The following PLCD3 variants were observed in gnomAD, a reference collection of about 807,000 sequenced individuals.
PLCD3 encodes phospholipase C delta 3.
A neutral mutation model predicts 82.8 loss-of-function variants in PLCD3; 62 were observed. That is an observed-to-expected ratio of 0.75 (90% CI 0.61 to 0.93). The LOEUF (loss-of-function observed/expected upper bound fraction) is 0.93, where lower values mean the gene tolerates loss of function less well. Ranked by LOEUF, PLCD3 falls within the 40% of genes least tolerant of loss-of-function variation. PLCD3 has a pLI of 0.00. For synonymous variants in PLCD3, 478 were observed against 471.8 expected, an observed-to-expected ratio of 1.01 and a Z score of -0.17; for missense variants, 1,023 against 1,103.4, an observed-to-expected ratio of 0.93 and a Z score of 1.03.
intron 1 of PLCD3, among the ~76,000 whole-genome samples, chr17:45,127,785 TGTGA>T (rs2054392014): frequency 1.5e-5 from 2 of 134,956 alleles, no homozygotes; most frequent in Non-Finnish European, 1.6e-5. Flanking sequence ...TGTGTATGAG[TGTGA>T]GTGAATGTGT....
intron 1 of PLCD3, chr17:45,129,212 G>T (rs1043196007): frequency 2.6e-5 from 4 of 152,260 alleles, no homozygotes; most frequent in Admixed American, 2.0e-4. Context: ...CCAGCACTTT[G>T]GGAATCCAAG....
chr17:45,124,606 G>T (rs954309712), intron 1 of PLCD3, among the ~76,000 whole-genome samples: 1 of 152,260 alleles, frequency 6.6e-6, no homozygotes, highest in African/African-American at 2.4e-5. Flanking sequence ...AGGTCAGAGG[G>T]AGGGCTCAGG....
chr17:45,125,437 AAAAATAG>A (rs1377360963), intron 1 of PLCD3, among the ~76,000 whole-genome samples: 4 of 152,188 alleles, frequency 2.6e-5, no homozygotes, highest in Non-Finnish European at 5.9e-5. Flanking sequence ...CGTCTCTACT[AAAAATAG>A]AAAACAGCCG....
rs778755408 is a variant in PLCD3 at position 45,121,330 on chromosome 17, G to C, written c.206C>G (p.Ser69Cys). The stretch of plus-strand genomic sequence containing the variant: ...GCGCGAGCGGATCTTGCGGAGCCGG[G>C]AGCCCCGCAGCATGGCGCGCACGTC... Reference protein sequence around the residue: ...DEDVRAMLRGSRLRKIRSRTW... With the variant: ...DEDVRAMLRGCRLRKIRSRTW... Residue 69 changes from serine to cysteine, a missense_variant, in exon 2 of 15, where the codon TCC becomes TGC. By Grantham distance (112) the Ser-to-Cys change is moderately radical (BLOSUM62 -1). This residue lies in a region of PLCD3 where 448 missense variants were observed against 406.3 expected (regional missense o/e 1.10). Transcript: ENST00000619929. 2 of 1,555,178 alleles carry C rather than the reference G, an allele frequency of 1.3e-6. No homozygotes were observed. Among genetic ancestry groups the C allele is most frequent in the South Asian group, 1.2e-5 (1 of 85,406 alleles).
At position 45,110,600 on chromosome 17, in the gene PLCD3, A is replaced by C. The variant is rs997781665; in HGVS notation, c.*2016T>G. 1.3e-5 allele frequency: 2 copies of C among 152,224 alleles called. No individual in the cohort carries two copies. Among genetic ancestry groups the C allele is most frequent in the Non-Finnish European group, 2.9e-5 (2 of 68,066 alleles). The allele number at this position is 152,224 out of a possible 1,614,324, so 9.4% of individuals were successfully genotyped here. A position where few individuals can be genotyped will look rare whatever the true frequency, so the allele number is the denominator to read the frequency against. On this transcript the variant is annotated 3_prime_UTR_variant, in exon 15 of 15. Coordinates refer to ENST00000619929, the MANE Select transcript of PLCD3 (RefSeq NM_133373.5). ...CCTGGGTCTGGTGCTCACCTGACCCAGACCCCCCAGCCAGCCCCTGGCCAG... is the reference window on the plus strand; with the variant it reads ...CCTGGGTCTGGTGCTCACCTGACCCCGACCCCCCAGCCAGCCCCTGGCCAG...
chr17:45,117,119 A>T (rs2054297863), intron 7 of PLCD3, among the ~76,000 whole-genome samples: 1 of 151,906 alleles, frequency 6.6e-6, no homozygotes, highest in Non-Finnish European at 1.5e-5. Context: ...TAATTTTTGT[A>T]TTTTTAATAG....
intron 1 of PLCD3, among the ~76,000 whole-genome samples, chr17:45,129,719 G>A (rs959909571): frequency 1.3e-5 from 2 of 152,184 alleles, no homozygotes; most frequent in Non-Finnish European, 2.9e-5. Context: ...GGGCTCTAGC[G>A]CTCCTCTCTC....
At position 45,118,209 on chromosome 17, in the gene PLCD3, T is replaced by TGGGCCAGGAAGGCC; in HGVS notation, c.1115+68_1116-72dup. ...CCACAGAGCAGGGCAGCAGGCAGGC[T>TGGGCCAGGAAGGCC]GGGCCAGGAAGGCCCCAGGAAGCCA... On this transcript the variant is annotated intron_variant, in intron 6 of 14. Transcript: ENST00000619929. The surrounding 1 kb of genome is among the most constrained non-coding windows in gnomAD (Gnocchi z 4.1). 5 of 1,611,468 alleles carry TGGGCCAGGAAGGCC rather than the reference T, an allele frequency of 3.1e-6. No individual in the cohort carries two copies. The South Asian group carries it at 5.5e-5, about 18-fold the overall frequency.
rs1362550976 is a variant in PLCD3, at chr17:45,112,651, T to C, written c.2335A>G (p.Thr779Ala). 6.2e-7 allele frequency: 1 copy of C among 1,607,250 alleles called. No individual in the cohort carries two copies. Among genetic ancestry groups the C allele is most frequent in the Admixed American group, 1.7e-5 (1 of 59,132 alleles). The change falls in exon 15 of 15, where the codon ACG becomes GCG. Residue 779 changes from threonine (T) to alanine (A), a missense_variant. Transcript: ENST00000619929. ...SKDGASLSPA[T>A]LFIQIRIQRS ...TGGATGCGGATTTGGATGAAGAGCGTGGCTGGTGACAGTGAGGCCCCGTCC... is the reference window on the plus strand; with the variant it reads ...TGGATGCGGATTTGGATGAAGAGCGCGGCTGGTGACAGTGAGGCCCCGTCC...
chr17:45,129,127 G>C (rs1281762356), intron 1 of PLCD3: 1 of 152,260 alleles, frequency 6.6e-6, no homozygotes, highest in African/African-American at 2.4e-5. Context: ...TATGCGAAAA[G>C]CGCCTGGGAC....
At chr17:45,115,951 G>A (rs1302103773) in intron 8 of PLCD3, among the ~76,000 whole-genome samples, 1 of 152,244 alleles carries the variant, frequency 6.6e-6, no homozygotes, top group Admixed American at 6.5e-5. Flanking sequence ...CAGGTCAGTG[G>A]AGGGAGGGGA....
rs756522339 is a variant in PLCD3, at chr17:45,120,389, A to G, written c.620T>C (p.Ile207Thr). The change falls in exon 4 of 15, where the codon ATC becomes ACC. Residue 207 changes from isoleucine (I) to threonine (T), a missense_variant. By Grantham distance (89) the Ile-to-Thr change is moderately conservative (BLOSUM62 -1). Transcript: ENST00000619929. ...GTTGACCATTCTCAGCAGGCTCTTG[A>G]TCTCCTTGAAGCTCATCTTGCTGTC... Reference protein sequence around the residue: ...NQDSKMSFKEIKSLLRMVNVD... With the variant: ...NQDSKMSFKETKSLLRMVNVD... 1 of 1,613,966 alleles carries G rather than the reference A, an allele frequency of 6.2e-7. No individual in the cohort carries two copies. The highest frequency in any genetic ancestry group is 2.2e-5 in the East Asian group (1 of 44,870).
At chr17:45,123,962 C>A (rs1013039553) in intron 1 of PLCD3, among the ~76,000 whole-genome samples, 1 of 140,668 alleles carries the variant, frequency 7.1e-6, no homozygotes, top group East Asian at 2.0e-4. Flanking sequence ...CCAGACCCCC[C>A]CCCCAACCAG....
chr17:45,114,182 C>G, intron 11 of PLCD3, 68 bp downstream of exon 11: 1 of 1,187,038 alleles, frequency 8.4e-7, no homozygotes, highest in South Asian at 1.6e-5. Flanking sequence ...TGTGTGGGCC[C>G]CTCACTGCTG....
chr17:45,119,031 A>C lies in PLCD3; in HGVS notation c.697T>G (p.Ser233Ala), dbSNP rs1243134912. Residue 233 changes from serine to alanine, a missense_variant, in exon 5 of 15, where the codon TCC becomes GCC. By Grantham distance (99) the Ser-to-Ala change is moderately conservative. Transcript: ENST00000619929. ...AYLLFKECDHSNNDRLEGAEI... is the reference protein window; with the variant it reads ...AYLLFKECDHANNDRLEGAEI... The stretch of plus-strand genomic sequence containing the variant: ...GCCCCCTCTAGACGGTCGTTGTTGG[A>C]GTGGTCACACTCCTGGGGAGCAGCA... 1.2e-6 allele frequency: 2 copies of C among 1,608,936 alleles called. No individual in the cohort carries two copies. Among genetic ancestry groups the C allele is most frequent in the Non-Finnish European group, 1.7e-6 (2 of 1,178,054 alleles).
chr17:45,121,157 A>G, intron 2 of PLCD3, 27 bp from the exon 3 acceptor site: 1 of 1,520,210 alleles, frequency 6.6e-7, no homozygotes. Flanking sequence ...GTCAGGGCGG[A>G]GGACCGGGCC....
chr17:45,132,344 C>A lies in PLCD3; in HGVS notation c.67G>T (p.Ala23Ser). ...GCGACCGGCGCCGCGACTTGGGCTG[C>A]GACCTGGGCGGCCACCGGGGGCTCC... ...PEEPPVAAQV[A>S]AQVAAPVALP... The change falls in exon 1 of 15, where the codon GCA (alanine) becomes TCA (serine). Residue 23 changes from alanine to serine, a missense_variant. By Grantham distance (99) the Ala-to-Ser change is moderately conservative (BLOSUM62 1). This residue lies in a region of PLCD3 where 22 missense variants were observed against 41.3 expected (regional missense o/e 0.53). Transcript: ENST00000619929. This position sits in a 1 kb window ranked among gnomAD's most constrained non-coding sequence, Gnocchi z 4.6. 1 of 1,232,704 alleles carries A rather than the reference C, an allele frequency of 8.1e-7. No homozygotes were observed. The highest frequency in any genetic ancestry group is 1.0e-6 in the Non-Finnish European group (1 of 987,820). 76.4% of individuals were successfully genotyped at this position (1,232,704 alleles called of 1,614,324 possible).
chr17:45,132,432 C>T lies in PLCD3; in HGVS notation c.-22G>A. 8.4e-7 allele frequency: 1 copy of T among 1,196,750 alleles called. No homozygotes were observed. Among genetic ancestry groups the T allele is most frequent in the Middle Eastern group, 3.3e-4 (1 of 3,004 alleles). The allele number at this position is 1,196,750 out of a possible 1,614,324, so 74.1% of individuals were successfully genotyped here. On this transcript the variant is annotated 5_prime_UTR_variant, in exon 1 of 15. Transcript: ENST00000619929. This position sits in a 1 kb window ranked among gnomAD's most constrained non-coding sequence, Gnocchi z 4.6. ...GCATGGCTTGGCGGGGGGCCGGGGC[C>T]GGGCCCGGGGTCTGCACGCGGGGAC...
rs920334068 is a variant in PLCD3, at chr17:45,110,796, T to C, written c.*1820A>G. The C allele has an allele frequency of 6.6e-6, 1 of 152,246 alleles. No homozygotes were observed. Among genetic ancestry groups the C allele is most frequent in the Admixed American group, 6.5e-5 (1 of 15,286 alleles). The allele number at this position is 152,246 out of a possible 1,614,324, so 9.4% of individuals were successfully genotyped here. ...GCCCGGCCCGCCTGGCTCGGCCCAT[T>C]CCTTCTGGGCCCTTTTGATTCTGAT... On this transcript the variant is annotated 3_prime_UTR_variant, in exon 15 of 15. Transcript: ENST00000619929.
Sources: gnomAD v4.1 joint callset for allele counts (sites outside exome capture counted in the v4.1 genomes callset) on GRCh38, gnomAD v4.1.1 for gene constraint, gnomAD v4.1.1 regional missense constraint, Gnocchi (gnomAD v3.1) non-coding constraint, MANE v1.5 for transcripts, NCBI Gene and HGNC (gene_info 2026-07-23, HGNC 2026-07-21) for gene names.